TOGARAM1: variants seen among roughly 807,000 people sequenced by gnomAD.
TOGARAM1 encodes TOG array regulator of axonemal microtubules protein 1.
Under a neutral mutation model 166.6 loss-of-function variants are expected in TOGARAM1, and 100 were observed. That is an observed-to-expected ratio of 0.60 (90% CI 0.51 to 0.71). The LOEUF is 0.71. TOGARAM1 is among the 30% of genes least tolerant of loss of function. The probability of loss-of-function intolerance (pLI) is 0.00; values close to 1 mark genes in which losing one functional copy is unlikely to be tolerated. For synonymous variants in TOGARAM1, 758 were observed against 763.8 expected (o/e 0.99, Z 0.13); for missense variants, 2,029 against 2,102.7 (o/e 0.96, Z 0.69).
intron 11 of TOGARAM1, among the ~76,000 whole-genome samples, chr14:45,038,209 A>G (rs1281713478): frequency 6.6e-6 from 1 of 152,160 alleles, no homozygotes; most frequent in Non-Finnish European, 1.5e-5. Context: ...ACCTGGCCTG[A>G]ACAACAGTAT....
At position 45,032,389 on chromosome 14, in the gene TOGARAM1, T is replaced by G; in HGVS notation, c.3812+13T>G. The G allele has an allele frequency of 6.2e-7, 1 of 1,607,728 alleles. No homozygotes were observed. The highest frequency in any genetic ancestry group is 8.5e-7 in the Non-Finnish European group (1 of 1,178,170). On this transcript the variant is annotated intron_variant, in intron 11 of 19. Coordinates refer to ENST00000361462, the MANE Select transcript of TOGARAM1 (RefSeq NM_001308120.2). The stretch of plus-strand genomic sequence containing the variant: ...CTGATGAGGATTGGTAAGTTCACCA[T>G]CCTTAACTTAAAACTAAGCAGAGTT...
chr14:44,978,622 T>G (rs1218749378), intron 1 of TOGARAM1, among the ~76,000 whole-genome samples: 1 of 151,796 alleles, frequency 6.6e-6, no homozygotes, highest in Non-Finnish European at 1.5e-5. Flanking sequence ...CTGGACAATA[T>G]GGTAGGACTC....
intron 1 of TOGARAM1, among the ~76,000 whole-genome samples, chr14:44,990,035 GT>G (rs1887045896): frequency 6.6e-6 from 1 of 152,110 alleles, no homozygotes; most frequent in Non-Finnish European, 1.5e-5. Flanking sequence ...GGGGGACATG[GT>G]CCCCATGATC....
At chr14:45,070,671 T>G (rs1161521340) in intron 18 of TOGARAM1, among the ~76,000 whole-genome samples, 1 of 152,174 alleles carries the variant, frequency 6.6e-6, no homozygotes, top group African/African-American at 2.4e-5. Context: ...CAGTAAGTTA[T>G]TAGTAGTTAA....
intron 11 of TOGARAM1, among the ~76,000 whole-genome samples, chr14:45,041,304 G>A (rs943577821): frequency 6.6e-6 from 1 of 151,838 alleles, no homozygotes; most frequent in Non-Finnish European, 1.5e-5. Flanking sequence ...CAGAGGCTGA[G>A]GCAGGAGAAT....
At chr14:45,066,548 G>C (rs775898081) in intron 16 of TOGARAM1, 30 bp from the exon 17 acceptor site, 1 of 1,531,440 alleles carries the variant, frequency 6.5e-7, no homozygotes, top group East Asian at 2.3e-5. Context: ...AAGTACAAAT[G>C]AAATTACCTT....
chr14:45,005,030 C>T (rs1266363119), intron 4 of TOGARAM1, among the ~76,000 whole-genome samples: 2 of 151,992 alleles, frequency 1.3e-5, no homozygotes, highest in Non-Finnish European at 2.9e-5. Context: ...ATTCTCCTGC[C>T]TCAGCCTCTT....
Position 44,997,649 on chromosome 14 carries a change from A to C in TOGARAM1, c.2204-1714A>C, listed in dbSNP as rs1887488951. 2.6e-5 allele frequency among the ~76,000 whole-genome samples: 4 copies of C among 152,260 alleles called. No individual in the cohort carries two copies. In the South Asian group the frequency reaches 8.3e-4, roughly 32 times the overall value. On this transcript the variant is annotated intron_variant, in intron 2 of 19. Coordinates refer to ENST00000361462, the MANE Select transcript of TOGARAM1 (RefSeq NM_001308120.2). ...TAACATTTAGAAGAAAAAGGAGAGC[A>C]TAGGAAGAAACTGCCTTTGTGGATA...
intron 6 of TOGARAM1, 48 bp from the exon 7 acceptor site, chr14:45,011,927 A>G (rs558365941): frequency 1.5e-6 from 2 of 1,318,050 alleles, no homozygotes; most frequent in African/African-American, 2.9e-5. Context: ...TGAGTATTGA[A>G]CAGCACTAAA....
intron 1 of TOGARAM1, among the ~76,000 whole-genome samples, chr14:44,989,318 C>T (rs1167854791): frequency 6.6e-6 from 1 of 152,058 alleles, no homozygotes; most frequent in Non-Finnish European, 1.5e-5. Context: ...ATGTTTTCAC[C>T]ATCCGTTCTT....
At chr14:45,003,208 A>G (rs1341904630) in intron 3 of TOGARAM1, among the ~76,000 whole-genome samples, 1 of 152,158 alleles carries the variant, frequency 6.6e-6, no homozygotes, top group African/African-American at 2.4e-5. Context: ...AATAAAGGAT[A>G]TATAATATAT....
intron 14 of TOGARAM1, among the ~76,000 whole-genome samples, chr14:45,051,963 A>G (rs960980582): frequency 6.6e-6 from 1 of 152,172 alleles, no homozygotes; most frequent in South Asian, 2.1e-4. Flanking sequence ...CCTACCAAAC[A>G]TCATAATGTA....
rs748783894 is a variant in TOGARAM1, at chr14:45,004,377, A to G, written c.2644+11A>G. The G allele has an allele frequency of 5.0e-6, 8 of 1,606,926 alleles. 1 individual carries two copies. Among genetic ancestry groups the G allele is most frequent in the South Asian group, 4.4e-5 (4 of 90,170 alleles). The stretch of plus-strand genomic sequence containing the variant: ...CGGGTAGAAATCATGGTAAAAGTCA[A>G]TACTTTGTTCAAATTTATTTGTGTT... On this transcript the variant is annotated intron_variant, in intron 4 of 19. Transcript: ENST00000361462.
At chr14:45,049,349 G>A (rs1002945590) in intron 14 of TOGARAM1, among the ~76,000 whole-genome samples, 9 of 151,654 alleles carry the variant, frequency 5.9e-5, no homozygotes, top group East Asian at 3.9e-4. Context: ...TGCAAGCTCC[G>A]CCTTCCGGGT....
intron 15 of TOGARAM1, among the ~76,000 whole-genome samples, chr14:45,053,653 A>C (rs1176406108): frequency 6.6e-6 from 1 of 152,060 alleles, no homozygotes; most frequent in East Asian, 1.9e-4. Context: ...AGAACTTATT[A>C]ATATAACCAT....
In TOGARAM1 at chr14:44,962,603, C is replaced by T; in HGVS notation, c.182C>T (p.Pro61Leu). 6.2e-7 allele frequency: 1 copy of T among 1,613,628 alleles called. No homozygotes were observed. Among genetic ancestry groups the T allele is most frequent in the Non-Finnish European group, 8.5e-7 (1 of 1,179,652 alleles). Residue 61 changes from proline (P) to leucine (L), a missense_variant, in exon 1 of 20, where the codon CCC becomes CTC. Physicochemically the swap from Pro to Leu is moderately conservative, Grantham distance 98 (BLOSUM62 -3). Coordinates refer to ENST00000361462, the MANE Select transcript of TOGARAM1 (RefSeq NM_001308120.2). ...RGAAGDHGSC[P>L]TTTSPLASAL... ...GCTGCGGGGGACCACGGTTCCTGCCCCACTACAACTTCGCCTCTGGCCTCG... is the reference window on the plus strand; with the variant it reads ...GCTGCGGGGGACCACGGTTCCTGCCTCACTACAACTTCGCCTCTGGCCTCG...
intron 11 of TOGARAM1, among the ~76,000 whole-genome samples, chr14:45,039,059 A>G (rs1881586629): frequency 6.6e-6 from 1 of 152,012 alleles, no homozygotes; most frequent in Non-Finnish European, 1.5e-5. Context: ...GGAGACCCGG[A>G]GTGGGTAGCT....
At chr14:45,035,459 A>G (rs1881378166) in intron 11 of TOGARAM1, among the ~76,000 whole-genome samples, 2 of 152,204 alleles carry the variant, frequency 1.3e-5, no homozygotes, top group Admixed American at 1.3e-4. Flanking sequence ...GTTATGTGTA[A>G]TTGGAGTTAC....
At chr14:45,023,762 C>T (rs1880663892) in intron 7 of TOGARAM1, among the ~76,000 whole-genome samples, 1 of 151,554 alleles carries the variant, frequency 6.6e-6, no homozygotes, top group Non-Finnish European at 1.5e-5. Context: ...TTTTTTAAGA[C>T]AGAGTCTCAC....
Sources: gnomAD v4.1 joint callset for allele counts (sites outside exome capture counted in the v4.1 genomes callset) on GRCh38, gnomAD v4.1.1 for gene constraint, MANE v1.5 for transcripts, NCBI Gene and HGNC (gene_info 2026-07-23, HGNC 2026-07-21) for gene names.